Variants in DLG2 observed in about 807,000 individuals in gnomAD.
The protein encoded by DLG2 is disks large homolog 2.
A neutral mutation model predicts 132.5 loss-of-function variants in DLG2; 45 were observed. The observed-to-expected ratio is 0.34, with a 90% CI of 0.27 to 0.44. The LOEUF is 0.44. Among genes scored for constraint, DLG2 ranks in the 20% least tolerant of loss-of-function variants. DLG2 has a pLI of 1.00. For synonymous variants in DLG2, 424 were observed against 419.6 expected, an observed-to-expected ratio of 1.01 and a Z score of -0.13; for missense variants, 1,045 against 1,196.9, an observed-to-expected ratio of 0.87 and a Z score of 1.87.
At chr11:85,042,436 C>T (rs1253566554) in intron 6 of DLG2, among the ~76,000 whole-genome samples, 2 of 151,960 alleles carry the variant, frequency 1.3e-5, no homozygotes, top group African/African-American at 2.4e-5. Context: ...ATTCTTGCAA[C>T]ATCCAATTTT....
intron 6 of DLG2, among the ~76,000 whole-genome samples, chr11:84,557,107 T>C (rs1340823633): frequency 6.6e-6 from 1 of 152,196 alleles, no homozygotes; most frequent in Non-Finnish European, 1.5e-5. Context: ...GTTTTATGTG[T>C]CAACTTGGCT....
intron 16 of DLG2, among the ~76,000 whole-genome samples, chr11:83,860,751 C>G (rs1008933465): frequency 4.6e-5 from 7 of 152,274 alleles, no homozygotes; most frequent in African/African-American, 1.7e-4. Flanking sequence ...AATAATATGG[C>G]TTCACTGTGT....
chr11:83,630,957 T>C (rs1438718227), intron 19 of DLG2, among the ~76,000 whole-genome samples: 1 of 152,146 alleles, frequency 6.6e-6, no homozygotes, highest in African/African-American at 2.4e-5. Flanking sequence ...ATTTATATAA[T>C]CAGAGAAACC....
chr11:85,005,240 G>A (rs1315313221), intron 6 of DLG2, among the ~76,000 whole-genome samples: 1 of 152,166 alleles, frequency 6.6e-6, no homozygotes, highest in East Asian at 1.9e-4. Flanking sequence ...GAAATTTAAA[G>A]TAGCTTTTTC....
chr11:84,985,991 CAAAAAAAAAAAAAA>C (rs71036455), intron 6 of DLG2, among the ~76,000 whole-genome samples: 1 of 44,214 alleles, frequency 2.3e-5, no homozygotes, highest in Non-Finnish European at 3.6e-5. Flanking sequence ...GACTCCGTCT[CAAAAAAAAAAAAAA>C]AAAAAAAAAA....
At chr11:84,127,543 C>T (rs1249650222) in intron 9 of DLG2, among the ~76,000 whole-genome samples, 1 of 152,074 alleles carries the variant, frequency 6.6e-6, no homozygotes, top group Non-Finnish European at 1.5e-5. Flanking sequence ...GGTGATTTGT[C>T]GGTAATCTTT....
intron 8 of DLG2, among the ~76,000 whole-genome samples, chr11:84,194,584 G>C (rs943416115): frequency 6.6e-6 from 1 of 152,192 alleles, no homozygotes; most frequent in African/African-American, 2.4e-5. Context: ...TTTACAGAGA[G>C]CTGATTGGTC....
At chr11:84,194,300 G>A (rs1225622496) in intron 8 of DLG2, among the ~76,000 whole-genome samples, 2 of 152,086 alleles carry the variant, frequency 1.3e-5, no homozygotes, top group Non-Finnish European at 2.9e-5. Context: ...CCTAAAGATG[G>A]TGCCTCTGGA....
At chr11:85,001,740 C>T (rs979183954) in intron 6 of DLG2, among the ~76,000 whole-genome samples, 1 of 152,026 alleles carries the variant, frequency 6.6e-6, no homozygotes, top group Admixed American at 6.6e-5. Context: ...CAAGAGTAAA[C>T]CCTAATGTAA....
chr11:84,773,575 C>T (rs753458849), intron 6 of DLG2, among the ~76,000 whole-genome samples: 85 of 152,230 alleles, frequency 5.6e-4, no homozygotes, highest in Admixed American at 1.1e-3. Context: ...TAAACCACCA[C>T]GATCAAGTAG....
chr11:85,547,733 T>G (rs2076421833), intron 3 of DLG2, among the ~76,000 whole-genome samples: 2 of 152,224 alleles, frequency 1.3e-5, no homozygotes, highest in East Asian at 1.9e-4. Context: ...TTTCATTGAG[T>G]TGATCTTCAG....
chr11:83,648,746 A>G (rs2069061557), intron 18 of DLG2, among the ~76,000 whole-genome samples: 1 of 152,146 alleles, frequency 6.6e-6, no homozygotes, highest in Non-Finnish European at 1.5e-5. Context: ...TAAACTTACA[A>G]AATGAAGCTG....
intron 7 of DLG2, among the ~76,000 whole-genome samples, chr11:84,380,726 A>G (rs1452339866): frequency 1.3e-5 from 2 of 152,040 alleles, no homozygotes; most frequent in Admixed American, 6.6e-5. Flanking sequence ...CAGAACAAAT[A>G]TTTCAAAAGT....
chr11:84,803,374 A>G (rs1316947558), intron 6 of DLG2, among the ~76,000 whole-genome samples: 4 of 152,214 alleles, frequency 2.6e-5, no homozygotes, highest in Admixed American at 6.5e-5. Flanking sequence ...TCTTCTTTAC[A>G]AAAATAGGAG....
At chr11:85,248,515 G>A (rs547264840) in intron 4 of DLG2, among the ~76,000 whole-genome samples, 1 of 152,060 alleles carries the variant, frequency 6.6e-6, no homozygotes, top group African/African-American at 2.4e-5. Flanking sequence ...GGCCAGCCAT[G>A]TCTCATGAAT....
chr11:84,321,026 A>C (rs1201540478), intron 7 of DLG2, among the ~76,000 whole-genome samples: 1 of 152,206 alleles, frequency 6.6e-6, no homozygotes, highest in East Asian at 1.9e-4. Flanking sequence ...TAATCACTTA[A>C]AATTTGCATA....
intron 3 of DLG2, chr11:85,453,180 G>C: frequency 3.0e-6 from 1 of 328,620 alleles, no homozygotes; most frequent in Non-Finnish European, 5.7e-6. Context: ...AGCATCATTT[G>C]GGTACACACC....
intron 3 of DLG2, among the ~76,000 whole-genome samples, chr11:85,503,804 C>T (rs181467228): frequency 8.8e-4 from 134 of 152,124 alleles, no homozygotes; most frequent in African/African-American, 3.0e-3. Flanking sequence ...TGGTGGCACA[C>T]ACCTGTAGTC....
At position 83,660,906 on chromosome 11, in the gene DLG2, A is replaced by G. The variant is rs144494620; in HGVS notation, c.1826-27581T>C. On this transcript the variant is annotated intron_variant, in intron 18 of 27. Coordinates refer to ENST00000376104, the MANE Select transcript of DLG2 (RefSeq NM_001142699.3). ...CACTTCTTCTTCTGACTCCCCCCAT[A>G]ATAATAATATCCACAACCCTATATC... 1.0e-3 allele frequency among the ~76,000 whole-genome samples: 155 copies of G among 152,126 alleles called. 1 individual carries two copies. Among genetic ancestry groups the G allele is most frequent in the South Asian group, 9.0e-3 (43 of 4,796 alleles).
Sources: allele counts gnomAD v4.1 joint callset (sites outside exome capture counted in the v4.1 genomes callset), GRCh38; gene constraint gnomAD v4.1.1; transcripts MANE v1.5; gene names NCBI Gene and HGNC (gene_info 2026-07-23, HGNC 2026-07-21).